SHANK2: variants seen among roughly 807,000 people sequenced by gnomAD.
SHANK2 encodes the protein SH3 and multiple ankyrin repeat domains protein 2.
SHANK2 carries 43 observed loss-of-function variants against 133.7 expected under a neutral mutation model. The ratio of observed to expected loss-of-function variants is 0.32; its 90% CI spans 0.25 to 0.41. SHANK2 has a LOEUF of 0.41. SHANK2 is among the 10% of genes least tolerant of loss of function. The probability of loss-of-function intolerance (pLI) is 1.00; values close to 1 mark genes in which losing one functional copy is unlikely to be tolerated. For missense variants in SHANK2, 1,994 were observed against 2,235.8 expected, an observed-to-expected ratio of 0.89 and a Z score of 2.18; for synonymous variants, 1,017 against 952.8, an observed-to-expected ratio of 1.07 and a Z score of -1.24.
At chr11:70,761,918 GGCT>G (rs200155164) in intron 14 of SHANK2, among the ~76,000 whole-genome samples, 2 of 151,768 alleles carry the variant, frequency 1.3e-5, no homozygotes, top group Non-Finnish European at 2.9e-5. Flanking sequence ...GCAAGTTCCC[GGCT>G]GCTGCTGCTG....
intron 17 of SHANK2, among the ~76,000 whole-genome samples, chr11:70,507,177 G>C (rs2059147259): frequency 6.6e-6 from 1 of 152,178 alleles, no homozygotes; most frequent in African/African-American, 2.4e-5. Context: ...GCCCGCCCCA[G>C]CCTCCTGGGC....
chr11:70,622,703 T>C (rs2060846867), intron 17 of SHANK2, among the ~76,000 whole-genome samples: 1 of 152,202 alleles, frequency 6.6e-6, no homozygotes, highest in Non-Finnish European at 1.5e-5. Context: ...TCTAAGGACA[T>C]CTGCGAAGAC....
At chr11:70,506,604 G>A (rs1258358297) in intron 17 of SHANK2, among the ~76,000 whole-genome samples, 1 of 152,128 alleles carries the variant, frequency 6.6e-6, no homozygotes, top group Admixed American at 6.5e-5. Context: ...CAGGTCTTTC[G>A]GGGTCATGAG....
intron 2 of SHANK2, among the ~76,000 whole-genome samples, chr11:71,163,730 G>T (rs1953077967): frequency 6.6e-6 from 1 of 152,204 alleles, no homozygotes; most frequent in African/African-American, 2.4e-5. Flanking sequence ...AGTGGAAACT[G>T]CCCCAAAAGA....
chr11:71,124,178 G>A, intron 3 of SHANK2, among the ~76,000 whole-genome samples: 1 of 63,456 alleles, frequency 1.6e-5, no homozygotes, highest in Non-Finnish European at 3.3e-5. Context: ...TGATGGTGAT[G>A]GTGATGATGG....
At chr11:71,115,989 T>A (rs117965770) in intron 4 of SHANK2, among the ~76,000 whole-genome samples, 3,887 of 152,316 alleles carry the variant, frequency 0.026, 88 homozygotes, top group Middle Eastern at 0.048. Flanking sequence ...CCAGGACAGC[T>A]GAGTGATTTG....
chr11:70,765,436 T>G (rs1240816783), intron 14 of SHANK2, among the ~76,000 whole-genome samples: 1 of 152,198 alleles, frequency 6.6e-6, no homozygotes, highest in African/African-American at 2.4e-5. Flanking sequence ...CACCTCTGAA[T>G]GGCATGGGGG....
chr11:70,499,305 T>C (rs1443625181), intron 21 of SHANK2, among the ~76,000 whole-genome samples: 2 of 152,242 alleles, frequency 1.3e-5, no homozygotes, highest in Non-Finnish European at 2.9e-5. Context: ...CCCCCTGTTA[T>C]ATCTGGGGTT....
At chr11:71,232,696 CTTAT>C (rs1555123130) in intron 1 of SHANK2, among the ~76,000 whole-genome samples, 1 of 152,190 alleles carries the variant, frequency 6.6e-6, no homozygotes, top group East Asian at 1.9e-4. Flanking sequence ...TTTTCTCTAC[CTTAT>C]TTAAGATAAG....
chr11:70,545,245 G>A (rs782577933), intron 17 of SHANK2, among the ~76,000 whole-genome samples: 1 of 152,250 alleles, frequency 6.6e-6, no homozygotes, highest in Non-Finnish European at 1.5e-5. Context: ...AGGCAGCGTC[G>A]CATTGCTAAT....
chr11:70,841,655 C>G (rs1555061748), intron 11 of SHANK2, among the ~76,000 whole-genome samples: 1 of 152,208 alleles, frequency 6.6e-6, no homozygotes, highest in African/African-American at 2.4e-5. Flanking sequence ...AGGTCCGGGG[C>G]CCCTTTCCGT....
intron 17 of SHANK2, among the ~76,000 whole-genome samples, chr11:70,572,115 C>T (rs782487157): frequency 6.6e-5 from 10 of 152,350 alleles, no homozygotes; most frequent in South Asian, 6.2e-4. Flanking sequence ...CCGGCCCTGC[C>T]GGCATCCTAT....
At chr11:71,155,474 C>T (rs1952890503) in intron 2 of SHANK2, among the ~76,000 whole-genome samples, 1 of 152,040 alleles carries the variant, frequency 6.6e-6, no homozygotes, top group African/African-American at 2.4e-5. Context: ...CCTGCCCACG[C>T]TCCCAGAGGA....
chr11:70,581,111 G>C lies in SHANK2; in HGVS notation c.2062-78180C>G, dbSNP rs528110528. On this transcript the variant is annotated intron_variant, in intron 17 of 25. Transcript: ENST00000601538. ...TGGACCAAGAATAGATTAAGGTTCA[G>C]GGCACTCCCTTCTCCAGAAATCACC... Among the ~76,000 whole-genome samples, 3 of 152,330 alleles carry C rather than the reference G, an allele frequency of 2.0e-5. No individual in the cohort carries two copies. In the South Asian group the frequency reaches 6.2e-4, roughly 32 times the overall value.
At chr11:70,799,060 C>T (rs549600415) in intron 13 of SHANK2, among the ~76,000 whole-genome samples, 1 of 152,180 alleles carries the variant, frequency 6.6e-6, no homozygotes, top group African/African-American at 2.4e-5. Flanking sequence ...AATCCACCTG[C>T]CCGGCTCTGT....
chr11:70,819,002 C>A (rs1236767552), intron 12 of SHANK2, among the ~76,000 whole-genome samples: 1 of 152,226 alleles, frequency 6.6e-6, no homozygotes, highest in African/African-American at 2.4e-5. Flanking sequence ...ACATCCCTGA[C>A]CTTAGCTGGC....
intron 15 of SHANK2, among the ~76,000 whole-genome samples, chr11:70,697,254 G>C (rs111830983): frequency 4.6e-5 from 7 of 152,352 alleles, no homozygotes; most frequent in African/African-American, 1.7e-4. Flanking sequence ...CTAACAAATG[G>C]TCGGAATAGG....
intron 11 of SHANK2, among the ~76,000 whole-genome samples, chr11:70,841,907 G>A (rs1948912331): frequency 6.6e-6 from 1 of 152,130 alleles, no homozygotes; most frequent in Non-Finnish European, 1.5e-5. Flanking sequence ...ACCGACCTGG[G>A]CAGACAACCC....
chr11:70,738,652 C>T (rs1946458974), intron 14 of SHANK2, among the ~76,000 whole-genome samples: 1 of 152,220 alleles, frequency 6.6e-6, no homozygotes, highest in Non-Finnish European at 1.5e-5. Context: ...GACCCCTCGT[C>T]CTGTCTTTCT....
Sources: allele counts gnomAD v4.1 joint callset (sites outside exome capture counted in the v4.1 genomes callset), GRCh38; gene constraint gnomAD v4.1.1; transcripts MANE v1.5; gene names NCBI Gene and HGNC (gene_info 2026-07-23, HGNC 2026-07-21).